The following RGS7 variants were observed in gnomAD, a reference collection of about 807,000 sequenced individuals.
RGS7 encodes the protein regulator of G protein signaling 7.
Under a neutral mutation model 81.1 loss-of-function variants are expected in RGS7, and 27 were observed. That is an observed-to-expected ratio of 0.33 (90% CI 0.25 to 0.46). RGS7 has a LOEUF of 0.46. Among genes scored for constraint, RGS7 ranks in the 20% least tolerant of loss-of-function variants. The pLI is 1.00. For synonymous variants in RGS7, 208 were observed against 207.7 expected (o/e 1.00, Z -0.01); for missense variants, 396 against 607.4 (o/e 0.65, Z 3.66).
intron 4 of RGS7, among the ~76,000 whole-genome samples, chr1:240,982,422 C>CAAAA (rs10567618): frequency 3.0e-5 from 2 of 66,212 alleles, no homozygotes; most frequent in Non-Finnish European, 5.4e-5. Context: ...AACTCTGCCT[C>CAAAA]AAAAAAAAAA....
At chr1:241,299,935 C>CAAAAAAAAA (rs35939099) in intron 2 of RGS7, among the ~76,000 whole-genome samples, 4 of 58,074 alleles carry the variant, frequency 6.9e-5, no homozygotes, top group South Asian at 8.4e-4. Context: ...CTCGTTTCTC[C>CAAAAAAAAA]AAAAAAAAAA....
chr1:240,835,370 C>T (rs1006383165), intron 9 of RGS7, among the ~76,000 whole-genome samples: 15 of 152,200 alleles, frequency 9.9e-5, no homozygotes, highest in Middle Eastern at 3.4e-3. Context: ...ATTGGGAAAA[C>T]GCAAATTGAA....
At chr1:240,957,699 T>C (rs1039220262) in intron 4 of RGS7, among the ~76,000 whole-genome samples, 2 of 152,230 alleles carry the variant, frequency 1.3e-5, no homozygotes, top group Non-Finnish European at 2.9e-5. Context: ...AGTACCAATA[T>C]TGGTTCATTG....
chr1:241,271,324 A>T lies in RGS7; in HGVS notation c.78+84375T>A, dbSNP rs1265479248. 2.0e-5 allele frequency among the ~76,000 whole-genome samples: 3 copies of T among 152,340 alleles called. No individual in the cohort carries two copies. Among genetic ancestry groups the T allele is most frequent in the African/African-American group, 7.2e-5 (3 of 41,578 alleles). On this transcript the variant is annotated intron_variant, in intron 2 of 18. Coordinates refer to ENST00000440928, the MANE Select transcript of RGS7 (RefSeq NM_001364886.1). The surrounding 1 kb of genome is among the most constrained non-coding windows in gnomAD (Gnocchi z 4.6). Reference sequence around the variant, plus strand: ...TGGTGTCACATGAGGACCAGTAAAAAATCTGTACTGAACTGAAATTTTTAT... The same window carrying T: ...TGGTGTCACATGAGGACCAGTAAAATATCTGTACTGAACTGAAATTTTTAT...
intron 2 of RGS7, among the ~76,000 whole-genome samples, chr1:241,123,045 G>A (rs1453506193): frequency 6.6e-6 from 1 of 152,148 alleles, no homozygotes; most frequent in Non-Finnish European, 1.5e-5. Flanking sequence ...CAATCACAGA[G>A]ACCTCTGGAA....
chr1:240,846,729 T>C (rs1437820049), intron 9 of RGS7, among the ~76,000 whole-genome samples: 4 of 152,190 alleles, frequency 2.6e-5, no homozygotes, highest in African/African-American at 9.6e-5. Flanking sequence ...ACAGAAGAGA[T>C]GACATACCAC....
intron 2 of RGS7, among the ~76,000 whole-genome samples, chr1:241,149,756 G>A (rs1328136016): frequency 6.6e-6 from 1 of 152,144 alleles, no homozygotes; most frequent in Admixed American, 6.6e-5. Context: ...ACAGTGGAGA[G>A]GAGGGAGTGG....
intron 2 of RGS7, among the ~76,000 whole-genome samples, chr1:241,202,064 G>C (rs576364695): frequency 4.4e-5 from 6 of 136,546 alleles, no homozygotes; most frequent in Non-Finnish European, 9.4e-5. Context: ...ACCCTAATTG[G>C]GTTACTTCCA....
intron 2 of RGS7, among the ~76,000 whole-genome samples, chr1:241,319,818 C>T (rs1048061920): frequency 3.3e-5 from 5 of 152,164 alleles, no homozygotes; most frequent in African/African-American, 9.7e-5. Context: ...GAAGGCCGGG[C>T]GCAGTGGCTC....
At chr1:240,796,186 C>A (rs1209335969) in intron 18 of RGS7, among the ~76,000 whole-genome samples, 1 of 152,188 alleles carries the variant, frequency 6.6e-6, no homozygotes, top group Non-Finnish European at 1.5e-5. Context: ...CTCTTTTTAC[C>A]ATGTTACCAC....
chr1:241,215,440 C>T (rs1324303168), intron 2 of RGS7, among the ~76,000 whole-genome samples: 2 of 152,214 alleles, frequency 1.3e-5, no homozygotes, highest in Non-Finnish European at 2.9e-5. Context: ...TGTTGGTTTC[C>T]TCTAGGGCTC....
At chr1:241,027,811 A>G (rs2059868959) in intron 3 of RGS7, among the ~76,000 whole-genome samples, 1 of 152,168 alleles carries the variant, frequency 6.6e-6, no homozygotes, top group Admixed American at 6.5e-5. Context: ...TAAATTTGAA[A>G]CACATATTAG....
At chr1:241,002,370 T>G (rs947491470) in intron 3 of RGS7, among the ~76,000 whole-genome samples, 1 of 151,742 alleles carries the variant, frequency 6.6e-6, no homozygotes, top group Non-Finnish European at 1.5e-5. Flanking sequence ...TGGGAATGGC[T>G]TGAACCCGGG....
chr1:241,029,324 T>G (rs1405305212), intron 3 of RGS7, among the ~76,000 whole-genome samples: 1 of 152,108 alleles, frequency 6.6e-6, no homozygotes, highest in Non-Finnish European at 1.5e-5. Flanking sequence ...TTATAAAAAT[T>G]TAAAACCCCA....
At chr1:240,988,032 C>A (rs913556919) in intron 3 of RGS7, among the ~76,000 whole-genome samples, 33 of 152,000 alleles carry the variant, frequency 2.2e-4, no homozygotes, top group African/African-American at 8.0e-4. Context: ...GAATGTCTAG[C>A]GAAGCAAATT....
chr1:241,057,789 G>A (rs1208790788), intron 3 of RGS7, among the ~76,000 whole-genome samples: 3 of 152,190 alleles, frequency 2.0e-5, no homozygotes, highest in Non-Finnish European at 4.4e-5. Flanking sequence ...GCATGCGCCT[G>A]TAGTCCCAGC....
At position 241,012,780 on chromosome 1, in the gene RGS7, T is replaced by C. The variant is rs189502693; in HGVS notation, c.176-29651A>G. Among the ~76,000 whole-genome samples the C allele has an allele frequency of 3.4e-3, 515 of 152,270 alleles. 3 individuals are homozygous for C. Among genetic ancestry groups the C allele is most frequent in the African/African-American group, 0.012 (491 of 41,564 alleles). ...TCTCTGAGTCCCCCTTAACCAGCTCTAGGAAAGATTAACTCACAGTAAAAG... is the reference window on the plus strand; with the variant it reads ...TCTCTGAGTCCCCCTTAACCAGCTCCAGGAAAGATTAACTCACAGTAAAAG... On this transcript the variant is annotated intron_variant, in intron 3 of 18. Coordinates refer to ENST00000440928, the MANE Select transcript of RGS7 (RefSeq NM_001364886.1).
intron 4 of RGS7, among the ~76,000 whole-genome samples, chr1:240,937,080 G>GA (rs1676758249): frequency 1.3e-5 from 2 of 152,006 alleles, no homozygotes; most frequent in Non-Finnish European, 2.9e-5. Context: ...GCCTTGTACC[G>GA]AAACGGACAG....
rs111566075 is a variant in RGS7, at chr1:241,269,885, T to C, written c.78+85814A>G. ...TGTACATAGTGTAGCCATTTAGGAC[T>C]GTGCACTCAAAATTGGTTGGCAAAC... On this transcript the variant is annotated intron_variant, in intron 2 of 18. Transcript: ENST00000440928. 1.2e-3 allele frequency among the ~76,000 whole-genome samples: 184 copies of C among 152,328 alleles called. 2 individuals are homozygous for C. Among genetic ancestry groups the C allele is most frequent in the African/African-American group, 4.2e-3 (173 of 41,572 alleles).
Sources: gnomAD v4.1 joint callset for allele counts (sites outside exome capture counted in the v4.1 genomes callset) on GRCh38, gnomAD v4.1.1 for gene constraint, Gnocchi (gnomAD v3.1) non-coding constraint, MANE v1.5 for transcripts, NCBI Gene and HGNC (gene_info 2026-07-23, HGNC 2026-07-21) for gene names.